KDELR2: variants seen among roughly 807,000 people sequenced by gnomAD.
KDELR2 encodes the protein ER lumen protein-retaining receptor 2.
In KDELR2, 15 loss-of-function variants were observed where a neutral mutation model predicts 23.9. That is an observed-to-expected ratio of 0.63 (90% CI 0.42 to 0.97). KDELR2 has a LOEUF of 0.97. Among genes scored for constraint, KDELR2 ranks in the 50% least tolerant of loss-of-function variants. The pLI, the probability that KDELR2 is intolerant of heterozygous loss-of-function variation, is 0.00. For synonymous variants in KDELR2, 119 were observed against 106.2 expected, an observed-to-expected ratio of 1.12 and a Z score of -0.74; for missense variants, 272 against 254.6, an observed-to-expected ratio of 1.07 and a Z score of -0.46.
intron 1 of KDELR2, among the ~76,000 whole-genome samples, chr7:6,481,725 T>A (rs1378292447): frequency 1.3e-5 from 2 of 151,692 alleles, no homozygotes; most frequent in Admixed American, 1.3e-4. Flanking sequence ...GGTCCCACTG[T>A]TTTAAACAAA....
At chr7:6,471,418 G>C (rs1454881333) in intron 2 of KDELR2, among the ~76,000 whole-genome samples, 6 of 152,086 alleles carry the variant, frequency 3.9e-5, no homozygotes, top group Non-Finnish European at 7.4e-5. Context: ...GACCTCAGGT[G>C]ATCTGCCTGC....
At position 6,476,032 on chromosome 7, in the gene KDELR2, C is replaced by T. The variant is rs3793170; in HGVS notation, c.92-1748G>A. Among the ~76,000 whole-genome samples the T allele has an allele frequency of 2.3e-4, 35 of 152,318 alleles. 1 individual carries two copies. The East Asian group carries it at 6.7e-3, about 29-fold the overall frequency. On this transcript the variant is annotated intron_variant, in intron 1 of 4. Transcript: ENST00000258739. Reference sequence around the variant, plus strand: ...GGCTGAGGTGATCCTCCCACCTCAGCCTCCTGAGTAGCTGGGACTACAGGT... The same window carrying T: ...GGCTGAGGTGATCCTCCCACCTCAGTCTCCTGAGTAGCTGGGACTACAGGT...
intron 3 of KDELR2, among the ~76,000 whole-genome samples, chr7:6,466,682 T>C (rs538299641): frequency 6.6e-6 from 1 of 151,970 alleles, no homozygotes; most frequent in African/African-American, 2.4e-5. Flanking sequence ...CTGAGCTTGT[T>C]TTCCTGCAAC....
intron 1 of KDELR2, among the ~76,000 whole-genome samples, chr7:6,476,004 C>T (rs937825772): frequency 3.3e-5 from 5 of 152,158 alleles, no homozygotes. Flanking sequence ...TTTGACCTCC[C>T]TGGGCTGAGG....
chr7:6,469,945 CAAAATTAGGACACAGAATAGTT>C, intron 2 of KDELR2, 191 bp from the exon 3 acceptor site: 1 of 461,514 alleles, frequency 2.2e-6, no homozygotes, highest in Admixed American at 3.8e-5. Context: ...TAACCACCAC[CAAAATTAGGACACAGAATAGTT>C]CCATCATCCC....
intron 2 of KDELR2, among the ~76,000 whole-genome samples, chr7:6,472,477 G>C (rs1214670019): frequency 1.3e-5 from 2 of 152,176 alleles, no homozygotes; most frequent in African/African-American, 4.8e-5. Flanking sequence ...GGCATCCTGA[G>C]GGGGAGAGAG....
chr7:6,466,458 C>T, intron 3 of KDELR2, 135 bp from the exon 4 acceptor site: 1 of 1,052,242 alleles, frequency 9.5e-7, no homozygotes, highest in East Asian at 2.4e-5. Flanking sequence ...AATAGAACAA[C>T]AGCTTGGCAA....
chr7:6,464,533 C>G (rs1785458203), intron 4 of KDELR2, among the ~76,000 whole-genome samples: 1 of 151,442 alleles, frequency 6.6e-6, no homozygotes, highest in Admixed American at 6.6e-5. Context: ...CAAAACAAAA[C>G]AAAACAAAAT....
chr7:6,474,970 G>C (rs889068275), intron 1 of KDELR2, among the ~76,000 whole-genome samples: 2 of 152,142 alleles, frequency 1.3e-5, no homozygotes, highest in Non-Finnish European at 2.9e-5. Flanking sequence ...TATCTCCATG[G>C]TGAGAAATCT....
intron 4 of KDELR2, among the ~76,000 whole-genome samples, chr7:6,465,091 A>ACT (rs1785473189): frequency 6.6e-6 from 1 of 150,878 alleles, no homozygotes; most frequent in Non-Finnish European, 1.5e-5. Context: ...GTATAGCTGG[A>ACT]TTTTTAGCCT....
chr7:6,484,136 G>C lies in KDELR2; in HGVS notation c.-79C>G, dbSNP rs1413721305. 1.5e-5 allele frequency: 17 copies of C among 1,127,210 alleles called. No homozygotes were observed. The highest frequency in any genetic ancestry group is 1.9e-5 in the Non-Finnish European group (17 of 888,944). The allele number at this position is 1,127,210 out of a possible 1,614,324, so 69.8% of individuals were successfully genotyped here. ...CTCAGGAGGCGGCGGCCCCTGAGAG[G>C]AAGCGGCGAAGATGGCGAGATCGCC... On this transcript the variant is annotated 5_prime_UTR_variant, in exon 1 of 5. Coordinates refer to ENST00000258739, the MANE Select transcript of KDELR2 (RefSeq NM_006854.4).
intron 1 of KDELR2, among the ~76,000 whole-genome samples, chr7:6,481,075 A>T (rs1316617225): frequency 6.6e-6 from 1 of 152,228 alleles, no homozygotes. Flanking sequence ...AACAGTGAAT[A>T]GTAAAAAACA....
At chr7:6,472,720 G>C (rs930897251) in intron 2 of KDELR2, among the ~76,000 whole-genome samples, 4 of 152,092 alleles carry the variant, frequency 2.6e-5, no homozygotes, top group East Asian at 1.9e-4. Flanking sequence ...CAAAATGTTG[G>C]GGGGAGGTTG....
intron 1 of KDELR2, among the ~76,000 whole-genome samples, chr7:6,478,251 G>A (rs192254605): frequency 1.2e-3 from 176 of 152,002 alleles, no homozygotes; most frequent in African/African-American, 3.8e-3. Context: ...GGGCTTAAGC[G>A]ATTCTCCCTC....
chr7:6,477,136 A>G (rs1785770326), intron 1 of KDELR2, among the ~76,000 whole-genome samples: 1 of 152,234 alleles, frequency 6.6e-6, no homozygotes, highest in South Asian at 2.1e-4. Flanking sequence ...TGCCCTAATT[A>G]ACTACTAGCT....
In KDELR2 at chr7:6,469,491, A is replaced by T; in HGVS notation, c.351+105T>A. Reference sequence around the variant, plus strand: ...AGGCTGGTCTCGAACTCCTGACCTCATGATCCACCCAAAGTGGAGGCTGAA... The same window carrying T: ...AGGCTGGTCTCGAACTCCTGACCTCTTGATCCACCCAAAGTGGAGGCTGAA... On this transcript the variant is annotated intron_variant, in intron 3 of 4. Transcript: ENST00000258739. The T allele has an allele frequency of 2.8e-6, 3 of 1,067,284 alleles. No individual in the cohort carries two copies. In the South Asian group the frequency reaches 4.5e-5, roughly 16 times the overall value. 66.1% of individuals were successfully genotyped at this position (1,067,284 alleles called of 1,614,324 possible).
At chr7:6,483,410 C>T (rs1447756858) in intron 1 of KDELR2, among the ~76,000 whole-genome samples, 1 of 152,214 alleles carries the variant, frequency 6.6e-6, no homozygotes, top group Non-Finnish European at 1.5e-5. Flanking sequence ...TCTGACCCGA[C>T]CCCACTACAC....
chr7:6,474,681 C>G lies in KDELR2; in HGVS notation c.92-397G>C, dbSNP rs766635695. ...TCAGATTTTTCTTTTTTGTTTTCCC[C>G]TGAGACAGGGTCTCCCTCTGCTGCC... On this transcript the variant is annotated intron_variant, in intron 1 of 4. Coordinates refer to ENST00000258739, the MANE Select transcript of KDELR2 (RefSeq NM_006854.4). Among the ~76,000 whole-genome samples the G allele has an allele frequency of 2.6e-5, 4 of 152,086 alleles. No homozygotes were observed. The South Asian group carries it at 8.3e-4, about 32-fold the overall frequency.
At chr7:6,465,172 C>T (rs182586844) in intron 4 of KDELR2, among the ~76,000 whole-genome samples, 190 of 150,372 alleles carry the variant, frequency 1.3e-3, no homozygotes, top group African/African-American at 4.2e-3. Context: ...GGTGCATTTG[C>T]GTAAATATCT....
Sources: allele counts gnomAD v4.1 joint callset (sites outside exome capture counted in the v4.1 genomes callset), GRCh38; gene constraint gnomAD v4.1.1; transcripts MANE v1.5; gene names NCBI Gene and HGNC (gene_info 2026-07-23, HGNC 2026-07-21).